Variants in KNTC1 observed in about 807,000 individuals in gnomAD.
KNTC1 encodes kinetochore-associated protein 1.
In KNTC1, 253 loss-of-function variants were observed where a neutral mutation model predicts 314.4. That is an observed-to-expected ratio of 0.80 (90% confidence interval 0.73 to 0.89). The LOEUF (loss-of-function observed/expected upper bound fraction) is 0.89. Among genes scored for constraint, KNTC1 ranks in the 40% least tolerant of loss-of-function variants. The pLI, the probability that KNTC1 is intolerant of heterozygous loss-of-function variation, is 0.00. For synonymous variants in KNTC1, 901 were observed against 901.4 expected, an observed-to-expected ratio of 1.00 and a Z score of 0.01; for missense variants, 2,475 against 2,572.9, an observed-to-expected ratio of 0.96 and a Z score of 0.82.
At chr12:122,541,971 CGCTGCTGCACTCCA>C (rs1452680844) in intron 5 of KNTC1, 65 bp from the exon 6 acceptor site, 2 of 1,367,334 alleles carry the variant, frequency 1.5e-6, no homozygotes, top group Non-Finnish European at 1.9e-6. Context: ...GCCGAGATCG[CGCTGCTGCACTCCA>C]GCCTAGCGAC....
rs114146489 is a variant in KNTC1, at chr12:122,575,498, G to A, written c.2383-45G>A. On this transcript the variant is annotated intron_variant, in intron 27 of 63. Coordinates refer to ENST00000333479, the MANE Select transcript of KNTC1 (RefSeq NM_014708.6). ...ACTGTGCTGTTCACTTGCATGCATC[G>A]TAAACCTGAGGGCTGTTCCTTGTCC... 1.8e-3 allele frequency: 2,453 copies of A among 1,368,832 alleles called. 31 individuals carry two copies. The African/African-American group carries it at 0.03, about 17-fold the overall frequency. The allele number at this position is 1,368,832 out of a possible 1,614,324, so 84.8% of individuals were successfully genotyped here. A position where few individuals can be genotyped will look rare whatever the true frequency, so the allele number is the denominator to read the frequency against.
chr12:122,534,863 C>T lies in KNTC1; in HGVS notation c.250+79C>T. The T allele has an allele frequency of 2.3e-6, 3 of 1,312,780 alleles. No individual in the cohort carries two copies. The South Asian group carries it at 3.7e-5, about 16-fold the overall frequency. 81.3% of individuals were successfully genotyped at this position (1,312,780 alleles called of 1,614,324 possible). A position where few individuals can be genotyped will look rare whatever the true frequency, so the allele number is the denominator to read the frequency against. On this transcript the variant is annotated intron_variant, in intron 3 of 63. Coordinates refer to ENST00000333479, the MANE Select transcript of KNTC1 (RefSeq NM_014708.6). ...CTGCCAATTTCTGCTGGATTGCCTC[C>T]TCTTTACTCCATTATTTCTAAGATT...
chr12:122,542,053 C>T lies in KNTC1; in HGVS notation c.449C>T (p.Thr150Ile). ...GATTCTGATTTTATTTCAATAGGTA[C>T]CTATTATATGCTACTTCTTACATAC... ...VIEKDGSNEG[T>I]YYMLLLTYSG... is the part of the protein sequence containing the mutation. The change falls in exon 6 of 64, where the codon ACC becomes ATC. Residue 150 changes from threonine (T) to isoleucine (I), a missense_variant. Coordinates refer to ENST00000333479, the MANE Select transcript of KNTC1 (RefSeq NM_014708.6). The T allele has an allele frequency of 3.9e-6, 6 of 1,523,730 alleles. No homozygotes were observed. The highest frequency in any genetic ancestry group is 5.3e-6 in the Non-Finnish European group (6 of 1,130,894). 94.4% of individuals were successfully genotyped at this position (1,523,730 alleles called of 1,614,324 possible).
rs190108664 is a variant in KNTC1, at chr12:122,570,643, C to T, written c.1861-233C>T. 2.0e-3 allele frequency among the ~76,000 whole-genome samples: 305 copies of T among 151,958 alleles called. 1 individual carries two copies. The highest frequency in any genetic ancestry group is 3.1e-3 in the Non-Finnish European group (210 of 67,988). On this transcript the variant is annotated intron_variant, in intron 22 of 63. Transcript: ENST00000333479. ...GTTTGTAACACAAAGGGGATGGATA[C>T]CCCACTCTCCATGTTGTGATTATTT...
At chr12:122,538,049 G>A (rs527846915) in intron 3 of KNTC1, among the ~76,000 whole-genome samples, 1 of 152,264 alleles carries the variant, frequency 6.6e-6, no homozygotes, top group Admixed American at 6.5e-5. Context: ...TGGGAGAATT[G>A]CCTGACTGAG....
At position 122,584,999 on chromosome 12, in the gene KNTC1, C is replaced by T; in HGVS notation, c.3534+9C>T. The T allele has an allele frequency of 2.0e-6, 3 of 1,519,630 alleles. No homozygotes were observed. The highest frequency in any genetic ancestry group is 1.8e-6 in the Non-Finnish European group (2 of 1,099,548). 94.1% of individuals were successfully genotyped at this position (1,519,630 alleles called of 1,614,324 possible). On this transcript the variant is annotated intron_variant, in intron 36 of 63. Transcript: ENST00000333479. Reference sequence around the variant, plus strand: ...GTGGAATCCTCATGAAAGTAAGTTACTTTTGAGTTTTTTCCCTTAAATCCT... The same window carrying T: ...GTGGAATCCTCATGAAAGTAAGTTATTTTTGAGTTTTTTCCCTTAAATCCT...
chr12:122,552,385 A>G (rs1378609381), intron 16 of KNTC1, among the ~76,000 whole-genome samples: 5 of 152,144 alleles, frequency 3.3e-5, no homozygotes, highest in African/African-American at 1.2e-4. Context: ...ATGATGATGC[A>G]GAAGTAGGGG....
chr12:122,617,094 C>T (rs1019303640), intron 57 of KNTC1, among the ~76,000 whole-genome samples: 2 of 152,060 alleles, frequency 1.3e-5, no homozygotes, highest in African/African-American at 4.8e-5. Context: ...ATGGATATAC[C>T]ACTTTTATTT....
intron 53 of KNTC1, chr12:122,611,874 T>G (rs1252700602): frequency 6.6e-6 from 1 of 152,154 alleles, no homozygotes; most frequent in Non-Finnish European, 1.5e-5. Context: ...AGTGTAGTAC[T>G]TGGCATGCAG....
intron 41 of KNTC1, 73 bp downstream of exon 41, chr12:122,590,808 G>A (rs1272485585): frequency 4.9e-6 from 7 of 1,434,486 alleles, no homozygotes; most frequent in African/African-American, 1.4e-5. Flanking sequence ...AGTTGGTTTT[G>A]CCACCTGTTC....
At chr12:122,574,440 T>C (rs1964891837) in intron 27 of KNTC1, 60 bp downstream of exon 27, 2 of 1,039,070 alleles carry the variant, frequency 1.9e-6, no homozygotes, top group Non-Finnish European at 2.9e-6. Context: ...TCTGAAAGCT[T>C]TTTTCTGTTC....
intron 29 of KNTC1, 90 bp from the exon 30 acceptor site, chr12:122,576,805 A>T (rs1593588135): frequency 2.0e-6 from 2 of 980,868 alleles, no homozygotes; most frequent in South Asian, 2.4e-5. Flanking sequence ...CATTATTTAA[A>T]TTTTTTTGCC....
intron 48 of KNTC1, among the ~76,000 whole-genome samples, chr12:122,603,613 C>G (rs1256269906): frequency 2.6e-5 from 4 of 152,032 alleles, no homozygotes; most frequent in Admixed American, 1.3e-4. Context: ...CTGCCTCAGT[C>G]CCCCGAGTAG....
intron 32 of KNTC1, among the ~76,000 whole-genome samples, chr12:122,580,213 T>C (rs1188660571): frequency 6.6e-6 from 1 of 152,230 alleles, no homozygotes; most frequent in Non-Finnish European, 1.5e-5. Context: ...TACTATTTAG[T>C]GCTAGACTAG....
At chr12:122,578,083 G>C (rs762890073) in intron 31 of KNTC1, among the ~76,000 whole-genome samples, 1 of 152,130 alleles carries the variant, frequency 6.6e-6, no homozygotes, top group Non-Finnish European at 1.5e-5. Flanking sequence ...TATAAACAAT[G>C]TTTTGTGTTA....
In KNTC1 at chr12:122,579,978, G is replaced by A; in HGVS notation, c.2914+1G>A. 1 of 1,598,170 alleles carries A rather than the reference G, an allele frequency of 6.3e-7. No homozygotes were observed. ...AAGATACTATGTGACATTCAGAAAG[G>A]TAGCTTTTACTTCTGTTTTCTCATC... On this transcript the variant is annotated splice_donor_variant, in intron 32 of 63. Coordinates refer to ENST00000333479, the MANE Select transcript of KNTC1 (RefSeq NM_014708.6). LOFTEE classifies it high-confidence loss of function.
At chr12:122,578,575 C>T (rs1406657450) in intron 31 of KNTC1, among the ~76,000 whole-genome samples, 1 of 151,900 alleles carries the variant, frequency 6.6e-6, no homozygotes. Context: ...CGTCCGCCAC[C>T]ACACCTGGCT....
At position 122,582,834 on chromosome 12, in the gene KNTC1, C is replaced by T; in HGVS notation, c.3112C>T (p.Pro1038Ser). ...AKHKPGSTPE[P>S]IAAEVRSPSM... is the part of the protein sequence containing the mutation. ...ACACAAACCTGGGAGCACCCCAGAG[C>T]CCATAGCTGCTGAGGTGAGGAGCCC... The change falls in exon 34 of 64, where the codon CCC (proline) becomes TCC (serine). Residue 1038 changes from proline (P) to serine (S), a missense_variant. Coordinates refer to ENST00000333479, the MANE Select transcript of KNTC1 (RefSeq NM_014708.6). The T allele has an allele frequency of 6.2e-7, 1 of 1,611,984 alleles. No individual in the cohort carries two copies. The highest frequency in any genetic ancestry group is 1.1e-5 in the South Asian group (1 of 90,766).
intron 59 of KNTC1, 87 bp from the exon 60 acceptor site, chr12:122,620,392 C>A (rs1395857604): frequency 8.1e-7 from 1 of 1,239,648 alleles, no homozygotes; most frequent in Non-Finnish European, 1.1e-6. Flanking sequence ...AAAACTTGGA[C>A]AGGCAGATGA....
Sources: allele counts gnomAD v4.1 joint callset (sites outside exome capture counted in the v4.1 genomes callset), GRCh38; gene constraint gnomAD v4.1.1; transcripts MANE v1.5; gene names NCBI Gene and HGNC (gene_info 2026-07-23, HGNC 2026-07-21).